Variants in RPS6KA1 observed in about 807,000 individuals in gnomAD.
RPS6KA1 encodes ribosomal protein S6 kinase A1, also known as ribosomal protein S6 kinase alpha-1.
RPS6KA1 carries 48 observed loss-of-function variants against 91.3 expected under a neutral mutation model. That is an observed-to-expected ratio of 0.53 (90% CI 0.42 to 0.67). The LOEUF is 0.67. Ranked by LOEUF, RPS6KA1 falls within the 30% of genes least tolerant of loss-of-function variation. The pLI is 0.00. For missense variants in RPS6KA1, 719 were observed against 960.5 expected (o/e 0.75, Z 3.32); for synonymous variants, 359 against 384.7 (o/e 0.93, Z 0.78).
chr1:26,573,419 A>C, intron 21 of RPS6KA1, 58 bp downstream of exon 21: 1 of 1,603,190 alleles, frequency 6.2e-7, no homozygotes, highest in African/African-American at 1.3e-5. Flanking sequence ...TGGCATGGTC[A>C]GGGACTTGTG....
In RPS6KA1 at chr1:26,571,556, T is replaced by C. The variant is rs2076248839; in HGVS notation, c.1698T>C (p.Ala566=). The part of the protein sequence containing the change: ...CDFGFAKQLR[A]ENGLLMTPCY... ...TTGGTTTTGCCAAACAGCTGCGGGCTGAGAATGGGCTCCTCATGACACCTT... is the reference window on the plus strand; with the variant it reads ...TTGGTTTTGCCAAACAGCTGCGGGCCGAGAATGGGCTCCTCATGACACCTT... Residue 566 remains alanine (A), a synonymous_variant, in exon 18 of 22, where the codon GCT becomes GCC. Transcript: ENST00000374168. The surrounding 1 kb of genome is among the most constrained non-coding windows in gnomAD (Gnocchi z 5.1). 1.2e-6 allele frequency: 2 copies of C among 1,614,188 alleles called. No homozygotes were observed. The highest frequency in any genetic ancestry group is 1.7e-6 in the Non-Finnish European group (2 of 1,180,026).
intron 2 of RPS6KA1, among the ~76,000 whole-genome samples, chr1:26,544,600 A>G (rs1206472025): frequency 2.6e-5 from 4 of 151,520 alleles, no homozygotes; most frequent in Admixed American, 2.0e-4. Context: ...TCAGCTTCCC[A>G]AGTATCTGGG....
rs770833220 is a variant in RPS6KA1, at chr1:26,554,507, G to C, written c.614-89G>C. The C allele has an allele frequency of 1.2e-5, 18 of 1,515,572 alleles. No homozygotes were observed. In the South Asian group the frequency reaches 2.3e-4, roughly 19 times the overall value. The allele number at this position is 1,515,572 out of a possible 1,614,324, so 93.9% of individuals were successfully genotyped here. A position where few individuals can be genotyped will look rare whatever the true frequency, so the allele number is the denominator to read the frequency against. ...AGTGTCATGGGGGTGATGCCTTCTG[G>C]CCTCTGGGCACGGGGGTTGGGTGTG... On this transcript the variant is annotated intron_variant, in intron 8 of 21. Transcript: ENST00000374168. This position sits in a 1 kb window ranked among gnomAD's most constrained non-coding sequence, Gnocchi z 4.6.
rs41286647 is a variant in RPS6KA1, at chr1:26,555,645, G to A, written c.916+20G>A. 8.0e-3 allele frequency: 12,527 copies of A among 1,574,936 alleles called. 66 individuals are homozygous for A. The highest frequency in any genetic ancestry group is 9.6e-3 in the Non-Finnish European group (11,129 of 1,159,060). On this transcript the variant is annotated intron_variant, in intron 11 of 21. Transcript: ENST00000374168. This position sits in a 1 kb window ranked among gnomAD's most constrained non-coding sequence, Gnocchi z 4.3. ...GGCTCGGTAAGCAGCCCCAGCTCAGGGGAGGGGATGTGGCGATGGGGAGCC... is the reference window on the plus strand; with the variant it reads ...GGCTCGGTAAGCAGCCCCAGCTCAGAGGAGGGGATGTGGCGATGGGGAGCC...
chr1:26,530,977 T>C, intron 1 of RPS6KA1: 1 of 1,046,104 alleles, frequency 9.6e-7, no homozygotes, highest in Non-Finnish European at 1.2e-6. Flanking sequence ...GCCCAGGAGC[T>C]GAGATGACTT....
chr1:26,539,239 G>A (rs2075928791), intron 2 of RPS6KA1, among the ~76,000 whole-genome samples: 1 of 152,228 alleles, frequency 6.6e-6, no homozygotes, highest in Admixed American at 6.5e-5. Context: ...GATGGCATCT[G>A]AGTTCAGGGC....
Position 26,547,282 on chromosome 1 carries a change from C to T in RPS6KA1, c.307+12C>T, listed in dbSNP as rs1194869943. ...GGCAACGCTGAAAGGTGAGTGGGGA[C>T]ACCTCCCTGTGCAGAACCCAGGCTT... On this transcript the variant is annotated intron_variant, in intron 4 of 21. Coordinates refer to ENST00000374168, the MANE Select transcript of RPS6KA1 (RefSeq NM_002953.4). The surrounding 1 kb of genome is among the most constrained non-coding windows in gnomAD (Gnocchi z 4.1). The T allele has an allele frequency of 1.2e-6, 2 of 1,611,198 alleles. No homozygotes were observed. Among genetic ancestry groups the T allele is most frequent in the Non-Finnish European group, 1.7e-6 (2 of 1,178,442 alleles).
Position 26,547,269 on chromosome 1 carries a change from A to G in RPS6KA1, c.306A>G (p.Lys102=), listed in dbSNP as rs1334720049. Residue 102 remains lysine (K), a splice_region_variant and synonymous_variant, in exon 4 of 22, where the codon AAA becomes AAG. Coordinates refer to ENST00000374168, the MANE Select transcript of RPS6KA1 (RefSeq NM_002953.4). This position sits in a 1 kb window ranked among gnomAD's most constrained non-coding sequence, Gnocchi z 4.1. ...AMKVLKKATL[K]VRDRVRTKME... Reference sequence around the variant, plus strand: ...AGGTGCTGAAGAAGGCAACGCTGAAAGGTGAGTGGGGACACCTCCCTGTGC... The same window carrying G: ...AGGTGCTGAAGAAGGCAACGCTGAAGGGTGAGTGGGGACACCTCCCTGTGC... 3 of 1,613,250 alleles carry G rather than the reference A, an allele frequency of 1.9e-6. No homozygotes were observed. The Admixed American group carries it at 5.0e-5, about 27-fold the overall frequency.
Position 26,560,850 on chromosome 1 carries a change from A to T in RPS6KA1, c.1340A>T (p.Lys447Met). The change falls in exon 15 of 22, where the codon AAG becomes ATG. Residue 447 changes from lysine (K) to methionine (M), a missense_variant and splice_region_variant. This residue lies in a region of RPS6KA1 where 26 missense variants were observed against 69.6 expected (regional missense o/e 0.37). Coordinates refer to ENST00000374168, the MANE Select transcript of RPS6KA1 (RefSeq NM_002953.4). ...HKATNMEYAV[K>M]VIDKSKRDPS... Reference sequence around the variant, plus strand: ...GCCACCAACATGGAGTATGCTGTCAAGGTGGGCCTCCTGACCACGTCTCGG... The same window carrying T: ...GCCACCAACATGGAGTATGCTGTCATGGTGGGCCTCCTGACCACGTCTCGG... 6.2e-7 allele frequency: 1 copy of T among 1,614,222 alleles called. No individual in the cohort carries two copies. Among genetic ancestry groups the T allele is most frequent in the Non-Finnish European group, 8.5e-7 (1 of 1,180,040 alleles).
Position 26,553,931 on chromosome 1 carries a change from C to T in RPS6KA1, c.576-283C>T, listed in dbSNP as rs113855506. 148 of 378,922 alleles carry T rather than the reference C, an allele frequency of 3.9e-4. 1 individual carries two copies. Among genetic ancestry groups the T allele is most frequent in the African/African-American group, 2.8e-3 (133 of 48,192 alleles). The allele number at this position is 378,922 out of a possible 1,614,324, so 23.5% of individuals were successfully genotyped here. ...CACCTACTAGCTAGACTTACTAGCT[C>T]AATGACTGTAGAGCTACTTAACTGC... is the stretch of plus-strand genomic sequence containing the variant. On this transcript the variant is annotated intron_variant, in intron 7 of 21. Transcript: ENST00000374168.
intron 1 of RPS6KA1, chr1:26,530,705 A>G: frequency 7.9e-7 from 1 of 1,259,144 alleles, no homozygotes; most frequent in Non-Finnish European, 1.0e-6. Context: ...GGCTTCTGCC[A>G]GCCCAGACTC....
rs2076004833 is a variant in RPS6KA1 at position 26,547,393 on chromosome 1, G to C, written c.307+123G>C. 2 of 731,214 alleles carry C rather than the reference G, an allele frequency of 2.7e-6. No individual in the cohort carries two copies. The highest frequency in any genetic ancestry group is 4.7e-6 in the Non-Finnish European group (2 of 429,686). 45.3% of individuals were successfully genotyped at this position (731,214 alleles called of 1,614,324 possible). Reference sequence around the variant, plus strand: ...CTTCAGGAGCACCTAGTTCAAAGGTGGAGAAACAGGCCTATTTCTCAGCTA... The same window carrying C: ...CTTCAGGAGCACCTAGTTCAAAGGTCGAGAAACAGGCCTATTTCTCAGCTA... On this transcript the variant is annotated intron_variant, in intron 4 of 21. Coordinates refer to ENST00000374168, the MANE Select transcript of RPS6KA1 (RefSeq NM_002953.4). This position sits in a 1 kb window ranked among gnomAD's most constrained non-coding sequence, Gnocchi z 4.1.
chr1:26,555,935 G>C lies in RPS6KA1; in HGVS notation c.916+310G>C, dbSNP rs1302660505. The C allele has an allele frequency of 2.1e-6, 1 of 470,700 alleles. No individual in the cohort carries two copies. The highest frequency in any genetic ancestry group is 3.3e-5 in the Admixed American group (1 of 30,036). The allele number at this position is 470,700 out of a possible 1,614,324, so 29.2% of individuals were successfully genotyped here. On this transcript the variant is annotated intron_variant, in intron 11 of 21. Transcript: ENST00000374168. This position sits in a 1 kb window ranked among gnomAD's most constrained non-coding sequence, Gnocchi z 4.3. ...ATAGCATGAGCTCAGGAGTCAGAAG[G>C]CATAGGTCCCAATCCCGGCTCTGTG...
intron 1 of RPS6KA1, among the ~76,000 whole-genome samples, chr1:26,530,209 G>T (rs2075858294): frequency 6.6e-6 from 1 of 152,214 alleles, no homozygotes; most frequent in Non-Finnish European, 1.5e-5. Context: ...GCCAGGAGAG[G>T]GGATCCTATG....
Position 26,561,778 on chromosome 1 carries a change from G to A in RPS6KA1, c.1590+115G>A. Reference sequence around the variant, plus strand: ...AGCCTCCAGCTAGCCAAACTGAGGGGACACTAGGGCTGGGTGGGTGGATGC... The same window carrying A: ...AGCCTCCAGCTAGCCAAACTGAGGGAACACTAGGGCTGGGTGGGTGGATGC... On this transcript the variant is annotated intron_variant, in intron 17 of 21. Transcript: ENST00000374168. The surrounding 1 kb of genome is among the most constrained non-coding windows in gnomAD (Gnocchi z 5.7). The A allele has an allele frequency of 1.9e-6, 2 of 1,072,466 alleles. No individual in the cohort carries two copies. Among genetic ancestry groups the A allele is most frequent in the East Asian group, 2.4e-5 (1 of 41,416 alleles). 66.4% of individuals were successfully genotyped at this position (1,072,466 alleles called of 1,614,324 possible).
chr1:26,551,366 C>T lies in RPS6KA1; in HGVS notation c.308-31C>T. ...GGAGTGGCTGTGTTGAGTGTCTAGGCTACTGGTGACTTCCTTTCTCGTCTG... is the reference window on the plus strand; with the variant it reads ...GGAGTGGCTGTGTTGAGTGTCTAGGTTACTGGTGACTTCCTTTCTCGTCTG... On this transcript the variant is annotated intron_variant, in intron 4 of 21. Transcript: ENST00000374168. The surrounding 1 kb of genome is among the most constrained non-coding windows in gnomAD (Gnocchi z 4.5). 1 of 1,599,284 alleles carries T rather than the reference C, an allele frequency of 6.3e-7. No individual in the cohort carries two copies. Among genetic ancestry groups the T allele is most frequent in the Non-Finnish European group, 8.6e-7 (1 of 1,166,788 alleles).
At position 26,555,686 on chromosome 1, in the gene RPS6KA1, C is replaced by G; in HGVS notation, c.916+61C>G. 6.7e-7 allele frequency: 1 copy of G among 1,491,900 alleles called. No individual in the cohort carries two copies. Among genetic ancestry groups the G allele is most frequent in the Non-Finnish European group, 9.2e-7 (1 of 1,092,108 alleles). The allele number at this position is 1,491,900 out of a possible 1,614,324, so 92.4% of individuals were successfully genotyped here. A position where few individuals can be genotyped will look rare whatever the true frequency, so the allele number is the denominator to read the frequency against. ...ATGGGGAGCCGGGTACAGCTGCAGCCTAGGCCACAGGGCCACATCTGGGCT... is the reference window on the plus strand; with the variant it reads ...ATGGGGAGCCGGGTACAGCTGCAGCGTAGGCCACAGGGCCACATCTGGGCT... On this transcript the variant is annotated intron_variant, in intron 11 of 21. Transcript: ENST00000374168. The surrounding 1 kb of genome is among the most constrained non-coding windows in gnomAD (Gnocchi z 4.3).
At chr1:26,532,792 C>A (rs1025192701) in intron 1 of RPS6KA1, among the ~76,000 whole-genome samples, 1 of 152,182 alleles carries the variant, frequency 6.6e-6, no homozygotes, top group Non-Finnish European at 1.5e-5. Flanking sequence ...CAGTTGGAAC[C>A]CATTTCTGAC....
rs1440739807 is a variant in RPS6KA1, at chr1:26,573,353, C to T, written c.2077C>T (p.Leu693Phe). The T allele has an allele frequency of 5.6e-6, 9 of 1,614,200 alleles. No homozygotes were observed. Among genetic ancestry groups the T allele is most frequent in the Admixed American group, 3.3e-5 (2 of 60,026 alleles). Residue 693 changes from leucine to phenylalanine, a missense_variant, in exon 21 of 22, where the codon CTT becomes TTT. By Grantham distance (22) the Leu-to-Phe change is conservative (BLOSUM62 0). Around this residue, in one of 5 missense-constraint regions of RPS6KA1, gnomAD observed 249 missense variants for 323.1 expected, o/e 0.77. Transcript: ENST00000374168. ...CCAGCTGTCCCACCAGGACCTACAGCTTGTGAAGGTATGGCCACCCTTGGG... is the reference window on the plus strand; with the variant it reads ...CCAGCTGTCCCACCAGGACCTACAGTTTGTGAAGGTATGGCCACCCTTGGG... ...QSQLSHQDLQ[L>F]VKGAMAATYS...
Sources: gnomAD v4.1 joint callset for allele counts (sites outside exome capture counted in the v4.1 genomes callset) on GRCh38, gnomAD v4.1.1 for gene constraint, gnomAD v4.1.1 regional missense constraint, Gnocchi (gnomAD v3.1) non-coding constraint, MANE v1.5 for transcripts, NCBI Gene and HGNC (gene_info 2026-07-23, HGNC 2026-07-21) for gene names.